Variants in RPL3L observed in about 807,000 individuals in gnomAD.
The protein encoded by RPL3L is ribosomal protein uL3-like.
In RPL3L, 44 loss-of-function variants were observed where a neutral mutation model predicts 44.5. That is an observed-to-expected ratio of 0.99 (90% CI 0.78 to 1.27). RPL3L has a LOEUF of 1.27. Ranked by LOEUF, RPL3L falls within the 50% of genes most tolerant of loss-of-function variation. The pLI is 0.00. For synonymous variants in RPL3L, 292 were observed against 230.7 expected, an observed-to-expected ratio of 1.27 and a Z score of -2.41; for missense variants, 631 against 569.1, an observed-to-expected ratio of 1.11 and a Z score of -1.11.
intron 2 of RPL3L, 92 bp downstream of exon 2, chr16:1,953,863 TG>T: frequency 7.8e-7 from 1 of 1,278,458 alleles, no homozygotes; most frequent in Non-Finnish European, 1.0e-6. Flanking sequence ...CCTGGGACTG[TG>T]GCCCTGTCTG....
At chr16:1,953,345 A>G (rs912549214) in intron 2 of RPL3L, among the ~76,000 whole-genome samples, 7 of 151,066 alleles carry the variant, frequency 4.6e-5, no homozygotes, top group Admixed American at 3.9e-4. Flanking sequence ...TCAGCCTCCC[A>G]AGTAGCTGCG....
chr16:1,954,082 G>A lies in RPL3L; in HGVS notation c.70C>T (p.Arg24Trp), dbSNP rs763373288. 34 of 1,603,412 alleles carry A rather than the reference G, an allele frequency of 2.1e-5. No individual in the cohort carries two copies. The highest frequency in any genetic ancestry group is 6.7e-5 in the East Asian group (3 of 44,450). Residue 24 changes from arginine (R) to tryptophan (W), a missense_variant, in exon 2 of 10, where the codon CGG (arginine) becomes TGG (tryptophan). Transcript: ENST00000268661. ...LGFLPHKRSH[R>W]HRGKVKTWPR... ...CACGTCTTCACCTTGCCCCGGTGCC[G>A]GTGGCTCCTCTTATGGGGCAGGAAG...
intron 3 of RPL3L, among the ~76,000 whole-genome samples, chr16:1,951,572 G>A (rs1273937230): frequency 1.3e-5 from 2 of 151,812 alleles, no homozygotes; most frequent in South Asian, 2.1e-4. Context: ...TTGTAGAGAC[G>A]GGTTTCGTCA....
At position 1,954,661 on chromosome 16, in the gene RPL3L, G is replaced by T; in HGVS notation, c.-30C>A. The T allele has an allele frequency of 1.3e-6, 2 of 1,533,856 alleles. No homozygotes were observed. Among genetic ancestry groups the T allele is most frequent in the Non-Finnish European group, 8.8e-7 (1 of 1,140,098 alleles). On this transcript the variant is annotated 5_prime_UTR_variant, in exon 1 of 10. Coordinates refer to ENST00000268661, the MANE Select transcript of RPL3L (RefSeq NM_005061.3). ...GCCGATCCCTGAAGGTCAGGAAGGG[G>T]CCTCGCCGCTAGCCGCCAGAGGTCG... is the stretch of plus-strand genomic sequence containing the variant.
At chr16:1,946,181 T>G (rs974754203) in intron 7 of RPL3L, among the ~76,000 whole-genome samples, 1 of 151,930 alleles carries the variant, frequency 6.6e-6, no homozygotes, top group Admixed American at 6.6e-5. Flanking sequence ...ATCAGAGGAG[T>G]GGAGTCACTT....
At position 1,947,315 on chromosome 16, in the gene RPL3L, C is replaced by A. The variant is rs144543535; in HGVS notation, c.567G>T (p.Thr189=). 1.9e-6 allele frequency: 3 copies of A among 1,611,816 alleles called. No individual in the cohort carries two copies. The highest frequency in any genetic ancestry group is 2.5e-6 in the Non-Finnish European group (3 of 1,179,586). The change falls in exon 5 of 10, where the codon ACG becomes ACT. Residue 189 remains threonine, a synonymous_variant. Coordinates refer to ENST00000268661, the MANE Select transcript of RPL3L (RefSeq NM_005061.3). The stretch of plus-strand genomic sequence containing the variant: ...GGGCCCAGGCCACCTTCTCGGCCAC[C>A]GTGCCACCGTTCAGCTGGATCTCCA... ...HIMEIQLNGG[T]VAEKVAWAQA... is the part of the protein sequence containing the mutation.
Position 1,947,200 on chromosome 16 carries a change from C to A in RPL3L, c.682G>T (p.Val228Phe), listed in dbSNP as rs370738863. 1.9e-6 allele frequency: 3 copies of A among 1,612,698 alleles called. No homozygotes were observed. Among genetic ancestry groups the A allele is most frequent in the Admixed American group, 1.7e-5 (1 of 59,780 alleles). The change falls in exon 5 of 10, where the codon GTC becomes TTC. Residue 228 changes from valine to phenylalanine, a missense_variant. Val to Phe is a conservative substitution (Grantham distance 50). Coordinates refer to ENST00000268661, the MANE Select transcript of RPL3L (RefSeq NM_005061.3). ...CATCCTCACTGAGCCCTACCTTTGA[C>A]GCCTCGACCCTTGGTGACAGCAATG... ...DVIAVTKGRGVKGVTSRWHTK... is the reference protein window; with the variant it reads ...DVIAVTKGRGFKGVTSRWHTK...
chr16:1,948,777 G>A (rs532410361), intron 4 of RPL3L, among the ~76,000 whole-genome samples: 12 of 151,546 alleles, frequency 7.9e-5, no homozygotes, highest in South Asian at 2.1e-4. Flanking sequence ...GTGCAGTGGC[G>A]CAATCTCGGC....
rs750527052 is a variant in RPL3L, at chr16:1,950,838, G to A, written c.501+6C>T. On this transcript the variant is annotated splice_donor_region_variant and intron_variant, in intron 4 of 9. Coordinates refer to ENST00000268661, the MANE Select transcript of RPL3L (RefSeq NM_005061.3). ...ACTGACCGACAGCGGAGGGCCGGGG[G>A]CTGACCTGAGTGTGGACAATGACCC... is the stretch of plus-strand genomic sequence containing the variant. The A allele has an allele frequency of 1.4e-5, 22 of 1,613,900 alleles. No individual in the cohort carries two copies. The highest frequency in any genetic ancestry group is 4.5e-5 in the East Asian group (2 of 44,896).
intron 9 of RPL3L, 33 bp from the exon 10 acceptor site, chr16:1,944,926 G>C (rs71385725): frequency 2.6e-6 from 4 of 1,558,704 alleles, no homozygotes; most frequent in Non-Finnish European, 2.6e-6. Context: ...AGGAGCCTTA[G>C]TCACTCTGGC....
At chr16:1,953,679 G>A (rs540641386) in intron 2 of RPL3L, among the ~76,000 whole-genome samples, 20 of 152,330 alleles carry the variant, frequency 1.3e-4, no homozygotes, top group African/African-American at 3.4e-4. Context: ...GGCTTGGGGC[G>A]CTGGCCTTTG....
In RPL3L at chr16:1,954,059, C is replaced by G. The variant is rs777369685; in HGVS notation, c.93G>C (p.Thr31=). ...RSHRHRGKVK[T]WPRDDPSQPV... is the part of the protein sequence containing the mutation. ...GCTGGCTGGGGTCATCCCGCGGCCA[C>G]GTCTTCACCTTGCCCCGGTGCCGGT... Residue 31 remains threonine, a synonymous_variant, in exon 2 of 10, where the codon ACG becomes ACC. Transcript: ENST00000268661. 2 of 1,606,960 alleles carry G rather than the reference C, an allele frequency of 1.2e-6. No individual in the cohort carries two copies. Among genetic ancestry groups the G allele is most frequent in the Non-Finnish European group, 1.7e-6 (2 of 1,177,518 alleles).
At chr16:1,951,386 CT>C (rs1567311442) in intron 3 of RPL3L, among the ~76,000 whole-genome samples, 1 of 152,080 alleles carries the variant, frequency 6.6e-6, no homozygotes, top group South Asian at 2.1e-4. Flanking sequence ...GCCATCCTTT[CT>C]TTTTTGTTTT....
rs1196501397 is a variant in RPL3L at position 1,954,074 on chromosome 16, C to T, written c.78G>A (p.Arg26=). The change falls in exon 2 of 10, where the codon CGG becomes CGA. Residue 26 remains arginine, a synonymous_variant. Transcript: ENST00000268661. ...FLPHKRSHRH[R]GKVKTWPRDD... is the part of the protein sequence containing the mutation. ...CCCGCGGCCACGTCTTCACCTTGCC[C>T]CGGTGCCGGTGGCTCCTCTTATGGG... 6.2e-7 allele frequency: 1 copy of T among 1,604,478 alleles called. No homozygotes were observed. Among genetic ancestry groups the T allele is most frequent in the East Asian group, 2.2e-5 (1 of 44,506 alleles).
At chr16:1,948,159 C>A (rs182376352) in intron 4 of RPL3L, among the ~76,000 whole-genome samples, 2 of 151,720 alleles carry the variant, frequency 1.3e-5, no homozygotes, top group Non-Finnish European at 2.9e-5. Context: ...GGATGGTCTG[C>A]ATCTCCTGAC....
Position 1,946,606 on chromosome 16 carries a change from C to A in RPL3L, c.951+19G>T. On this transcript the variant is annotated intron_variant, in intron 7 of 9. Coordinates refer to ENST00000268661, the MANE Select transcript of RPL3L (RefSeq NM_005061.3). ...TCAGCGGTGTGATGGGCCTGGCAGT[C>A]GCCCCCTCCCAGCCTCACCAGCGGT... 6.2e-7 allele frequency: 1 copy of A among 1,606,808 alleles called. No homozygotes were observed. Among genetic ancestry groups the A allele is most frequent in the Non-Finnish European group, 8.5e-7 (1 of 1,175,408 alleles).
At position 1,945,854 on chromosome 16, in the gene RPL3L, C is replaced by T. The variant is rs770112620; in HGVS notation, c.1028G>A (p.Arg343Gln). ...LKGCIAGTKK[R>Q]VITLRKSLLV... ...GCCAACCTTTCTCAGCGTAATGACC[C>T]GCTTCTTGGTACCAGCAATACAACC... The change falls in exon 8 of 10, where the codon CGG becomes CAG. Residue 343 changes from arginine to glutamine, a missense_variant. By Grantham distance (43) the Arg-to-Gln change is conservative. Transcript: ENST00000268661. 1.2e-5 allele frequency: 20 copies of T among 1,613,900 alleles called. No homozygotes were observed. Among genetic ancestry groups the T allele is most frequent in the South Asian group, 6.6e-5 (6 of 91,088 alleles).
In RPL3L at chr16:1,950,092, T is replaced by G. The variant is rs1256405324; in HGVS notation, c.501+752A>C. ...GGCAGGTATGGACGGGGCAGGTATGTAGGGGGCAGGTATGGACGGGGCAGG... is the reference window on the plus strand; with the variant it reads ...GGCAGGTATGGACGGGGCAGGTATGGAGGGGGCAGGTATGGACGGGGCAGG... On this transcript the variant is annotated intron_variant, in intron 4 of 9. Coordinates refer to ENST00000268661, the MANE Select transcript of RPL3L (RefSeq NM_005061.3). 1.0e-3 allele frequency among the ~76,000 whole-genome samples: 55 copies of G among 53,732 alleles called. 1 individual carries two copies. Among genetic ancestry groups the G allele is most frequent in the African/African-American group, 3.6e-3 (52 of 14,620 alleles). The allele number at this position is 53,732 out of a possible 152,430, so 35.3% of individuals were successfully genotyped here. A position where few individuals can be genotyped will look rare whatever the true frequency, so the allele number is the denominator to read the frequency against.
intron 7 of RPL3L, among the ~76,000 whole-genome samples, chr16:1,946,424 G>A (rs1329440105): frequency 6.6e-6 from 1 of 152,276 alleles, no homozygotes; most frequent in Non-Finnish European, 1.5e-5. Context: ...CTGCCCAGCT[G>A]TCAAGGTCTT....
Sources: allele counts gnomAD v4.1 joint callset (sites outside exome capture counted in the v4.1 genomes callset), GRCh38; gene constraint gnomAD v4.1.1; transcripts MANE v1.5; gene names NCBI Gene and HGNC (gene_info 2026-07-23, HGNC 2026-07-21).